Variants in CCSER1 observed in about 807,000 individuals in gnomAD.
CCSER1 encodes the protein coiled-coil serine rich protein 1.
CCSER1 carries 41 observed loss-of-function variants against 82.0 expected under a neutral mutation model. That is an observed-to-expected ratio of 0.50 (90% CI 0.39 to 0.65). CCSER1 has a LOEUF of 0.65. Ranked by LOEUF, CCSER1 falls within the 30% of genes least tolerant of loss-of-function variation. CCSER1 has a pLI of 0.00. For missense variants in CCSER1, 1,119 were observed against 1,064.2 expected (o/e 1.05, Z -0.72); for synonymous variants, 414 against 383.9 (o/e 1.08, Z -0.92).
At position 91,535,276 on chromosome 4, in the gene CCSER1, A is replaced by T. The variant is rs978704585; in HGVS notation, c.2218-63296A>T. On this transcript the variant is annotated intron_variant, in intron 10 of 10. Coordinates refer to ENST00000509176, the MANE Select transcript of CCSER1 (RefSeq NM_001145065.2). ...TTTAGCCAATTTATGACATTAATAA[A>T]GTATGATATTTGGTGAAATTTTTAT... is the stretch of plus-strand genomic sequence containing the variant. Among the ~76,000 whole-genome samples the T allele has an allele frequency of 1.6e-4, 25 of 152,168 alleles. 1 individual carries two copies. Among genetic ancestry groups the T allele is most frequent in the Non-Finnish European group, 3.1e-4 (21 of 67,940 alleles).
chr4:90,195,621 G>A (rs1736447476), intron 1 of CCSER1, among the ~76,000 whole-genome samples: 1 of 152,104 alleles, frequency 6.6e-6, no homozygotes, highest in Non-Finnish European at 1.5e-5. Flanking sequence ...ATAATGATGT[G>A]TAAATGTAGG....
intron 3 of CCSER1, among the ~76,000 whole-genome samples, chr4:90,332,495 CA>C (rs1055062650): frequency 4.6e-5 from 7 of 152,068 alleles, no homozygotes; most frequent in Non-Finnish European, 1.0e-4. Flanking sequence ...CTTGGCCCTC[CA>C]AAGTGCTGTA....
chr4:90,653,107 T>G (rs1418570014), intron 6 of CCSER1, among the ~76,000 whole-genome samples: 2 of 152,138 alleles, frequency 1.3e-5, no homozygotes, highest in African/African-American at 2.4e-5. Context: ...TAAAATAGAT[T>G]TATTTGGTAA....
intron 1 of CCSER1, among the ~76,000 whole-genome samples, chr4:90,191,120 A>G (rs1735531201): frequency 6.6e-6 from 1 of 151,908 alleles, no homozygotes. Flanking sequence ...TTCATAATGC[A>G]TTAGGTTCTT....
chr4:90,335,227 T>C (rs1740158139), intron 3 of CCSER1, among the ~76,000 whole-genome samples: 1 of 152,336 alleles, frequency 6.6e-6, no homozygotes, highest in South Asian at 2.1e-4. Flanking sequence ...AAATACGTCA[T>C]GGCAAAGAAA....
chr4:90,737,897 T>C (rs1485002621), intron 7 of CCSER1, among the ~76,000 whole-genome samples: 1 of 152,234 alleles, frequency 6.6e-6, no homozygotes, highest in Non-Finnish European at 1.5e-5. Flanking sequence ...TGTTCTTCAG[T>C]ATTTCAATTG....
intron 8 of CCSER1, among the ~76,000 whole-genome samples, chr4:90,888,593 G>A (rs1722497733): frequency 6.6e-6 from 1 of 152,014 alleles, no homozygotes. Flanking sequence ...AACAATACCA[G>A]TATTTTAACT....
At chr4:90,355,202 G>A (rs1461543138) in intron 3 of CCSER1, among the ~76,000 whole-genome samples, 1 of 151,740 alleles carries the variant, frequency 6.6e-6, no homozygotes, top group Non-Finnish European at 1.5e-5. Flanking sequence ...GCTATAAATT[G>A]TTTCTTTGGA....
At chr4:90,153,911 G>C (rs966836087) in intron 1 of CCSER1, among the ~76,000 whole-genome samples, 3 of 152,152 alleles carry the variant, frequency 2.0e-5, no homozygotes, top group Admixed American at 6.5e-5. Flanking sequence ...TTTGGCTTTT[G>C]TTGCCATTGC....
chr4:90,235,919 C>A (rs755040615), intron 1 of CCSER1, among the ~76,000 whole-genome samples: 1 of 152,106 alleles, frequency 6.6e-6, no homozygotes, highest in African/African-American at 2.4e-5. Context: ...ATTTACAAAG[C>A]TCTATTTACT....
intron 8 of CCSER1, among the ~76,000 whole-genome samples, chr4:90,842,878 C>T (rs1762744592): frequency 6.7e-6 from 1 of 150,336 alleles, no homozygotes; most frequent in South Asian, 2.1e-4. Flanking sequence ...CCCTTTCTCC[C>T]AAAAATTTAC....
intron 5 of CCSER1, among the ~76,000 whole-genome samples, chr4:90,469,457 T>C (rs1177172239): frequency 1.3e-5 from 2 of 151,788 alleles, no homozygotes; most frequent in East Asian, 3.9e-4. Context: ...CATTTTTGTC[T>C]AATAGATAAT....
At chr4:91,297,365 TTGTG>T (rs764634343) in intron 10 of CCSER1, among the ~76,000 whole-genome samples, 46 of 128,910 alleles carry the variant, frequency 3.6e-4, no homozygotes, top group African/African-American at 6.3e-4. Context: ...GAATGGATGC[TTGTG>T]TGTGTGTGTG....
chr4:90,782,026 G>C (rs1177761384), intron 7 of CCSER1: 2 of 809,046 alleles, frequency 2.5e-6, no homozygotes, highest in African/African-American at 3.7e-5. Context: ...AATAGATTTA[G>C]TACTGTGAAA....
chr4:91,184,363 G>A (rs1039423271), intron 10 of CCSER1, among the ~76,000 whole-genome samples: 2 of 152,184 alleles, frequency 1.3e-5, no homozygotes, highest in Admixed American at 1.3e-4. Context: ...AGCTAAAGGG[G>A]TAGTAAAGAA....
intron 10 of CCSER1, among the ~76,000 whole-genome samples, chr4:91,296,353 C>G (rs1322220939): frequency 6.7e-6 from 1 of 150,188 alleles, no homozygotes; most frequent in African/African-American, 2.4e-5. Flanking sequence ...TTTGGGGAAT[C>G]CCATATACTA....
intron 10 of CCSER1, among the ~76,000 whole-genome samples, chr4:91,305,665 G>A (rs1448503532): frequency 1.3e-5 from 2 of 152,072 alleles, no homozygotes; most frequent in African/African-American, 2.4e-5. Flanking sequence ...ATGTATGTGT[G>A]TGTGTGTGTG....
chr4:91,599,151 C>T lies in CCSER1; in HGVS notation c.*94C>T, dbSNP rs1764719097. On this transcript the variant is annotated 3_prime_UTR_variant, in exon 11 of 11. Transcript: ENST00000509176. ...TAAAATTGTCATGTACTTTTTCTTA[C>T]ATTTTAGTTATAAACAGAGTTGTGT... 7.4e-7 allele frequency: 1 copy of T among 1,357,554 alleles called. No individual in the cohort carries two copies. The highest frequency in any genetic ancestry group is 1.8e-5 in the South Asian group (1 of 56,602). The allele number at this position is 1,357,554 out of a possible 1,614,324, so 84.1% of individuals were successfully genotyped here. A position where few individuals can be genotyped will look rare whatever the true frequency, so the allele number is the denominator to read the frequency against.
intron 8 of CCSER1, among the ~76,000 whole-genome samples, chr4:90,851,305 AG>A (rs1273521963): frequency 1.3e-5 from 2 of 152,214 alleles, no homozygotes; most frequent in African/African-American, 4.8e-5. Flanking sequence ...AAAACACAAA[AG>A]AACTCTACAG....
Sources: gnomAD v4.1 joint callset for allele counts (sites outside exome capture counted in the v4.1 genomes callset) on GRCh38, gnomAD v4.1.1 for gene constraint, MANE v1.5 for transcripts, NCBI Gene and HGNC (gene_info 2026-07-23, HGNC 2026-07-21) for gene names.